Variants in CADM1 observed in about 807,000 individuals in gnomAD.
CADM1 encodes the protein TSLC-1.
A neutral mutation model predicts 53.1 loss-of-function variants in CADM1; 15 were observed. That is an observed-to-expected ratio of 0.28 (90% CI 0.19 to 0.44). CADM1 has a LOEUF of 0.44. CADM1 is among the 20% of genes least tolerant of loss of function. CADM1 has a pLI of 1.00. For missense variants in CADM1, 434 were observed against 611.3 expected (o/e 0.71, Z 3.06); for synonymous variants, 281 against 243.0 (o/e 1.16, Z -1.45).
intron 4 of CADM1, among the ~76,000 whole-genome samples, chr11:115,230,446 A>G (rs1217104657): frequency 2.6e-5 from 4 of 152,202 alleles, no homozygotes; most frequent in South Asian, 2.1e-4. Flanking sequence ...TTTCTGTCAA[A>G]CAATTAGAGG....
At chr11:115,242,287 A>G (rs893327492) in intron 1 of CADM1, among the ~76,000 whole-genome samples, 9 of 150,274 alleles carry the variant, frequency 6.0e-5, no homozygotes, top group Non-Finnish European at 1.3e-4. Flanking sequence ...GTGGAGGCTT[A>G]GTATGCCGAA....
At chr11:115,205,057 T>C (rs757931401) in intron 8 of CADM1, among the ~76,000 whole-genome samples, 2 of 152,214 alleles carry the variant, frequency 1.3e-5, no homozygotes, top group Admixed American at 6.5e-5. Flanking sequence ...TTTGGCCCTA[T>C]AGCTATTCAT....
intron 8 of CADM1, among the ~76,000 whole-genome samples, chr11:115,207,872 TA>T (rs1488801447): frequency 2.0e-5 from 3 of 152,150 alleles, no homozygotes; most frequent in Non-Finnish European, 4.4e-5. Flanking sequence ...TTTACACTAG[TA>T]TCTAAAGGGC....
At chr11:115,436,568 G>A (rs530244233) in intron 1 of CADM1, among the ~76,000 whole-genome samples, 20 of 152,286 alleles carry the variant, frequency 1.3e-4, no homozygotes, top group Non-Finnish European at 2.6e-4. Flanking sequence ...AACAAAATAT[G>A]TGGTTTACTC....
At position 115,231,426 on chromosome 11, in the gene CADM1, T is replaced by G. The variant is rs1235105339; in HGVS notation, c.489A>C (p.Glu163Asp). The G allele has an allele frequency of 6.2e-7, 1 of 1,613,950 alleles. No homozygotes were observed. The highest frequency in any genetic ancestry group is 8.5e-7 in the Non-Finnish European group (1 of 1,179,914). ...KDTAVEGEEI[E>D]VNCTAMASKP... ...TGCTGGCCATAGCAGTGCAGTTGACTTCAATCTCCTCACCTTCCACCGCAG... is the reference window on the plus strand; with the variant it reads ...TGCTGGCCATAGCAGTGCAGTTGACGTCAATCTCCTCACCTTCCACCGCAG... The change falls in exon 4 of 12, where the codon GAA (glutamate) becomes GAC (aspartate). Residue 163 changes from glutamate (E) to aspartate (D), a missense_variant. Glu to Asp is a conservative substitution (Grantham distance 45). Coordinates refer to ENST00000331581, the MANE Select transcript of CADM1 (RefSeq NM_001301043.2).
chr11:115,326,771 G>C (rs1286373608), intron 1 of CADM1, among the ~76,000 whole-genome samples: 1 of 152,014 alleles, frequency 6.6e-6, no homozygotes, highest in Non-Finnish European at 1.5e-5. Context: ...GGCAACCATT[G>C]AATTTGTCAT....
chr11:115,502,602 AAAC>A (rs1949752975), intron 1 of CADM1, among the ~76,000 whole-genome samples: 2 of 152,044 alleles, frequency 1.3e-5, no homozygotes, highest in South Asian at 2.1e-4. Flanking sequence ...AAAAACACAT[AAAC>A]AACATCCGGA....
rs1430666329 is a variant in CADM1 at position 115,174,916 on chromosome 11, A to G, written c.*1558T>C. On this transcript the variant is annotated 3_prime_UTR_variant, in exon 12 of 12. Transcript: ENST00000331581. The stretch of plus-strand genomic sequence containing the variant: ...AAAATCCCCACACTTCTTTCTTTAA[A>G]ACATGTAAATGGTAACGTGACTCCT... 1.0e-6 allele frequency: 1 copy of G among 985,586 alleles called. No individual in the cohort carries two copies. The highest frequency in any genetic ancestry group is 1.7e-5 in the African/African-American group (1 of 57,188). The allele number at this position is 985,586 out of a possible 1,614,324, so 61.1% of individuals were successfully genotyped here. A position where few individuals can be genotyped will look rare whatever the true frequency, so the allele number is the denominator to read the frequency against.
intron 1 of CADM1, among the ~76,000 whole-genome samples, chr11:115,300,045 C>T (rs945660334): frequency 2.0e-5 from 3 of 152,068 alleles, no homozygotes; most frequent in African/African-American, 7.2e-5. Flanking sequence ...AGATTAGCTA[C>T]TCTAAATGTA....
intron 1 of CADM1, 48 bp from the exon 2 acceptor site, chr11:115,240,468 A>C (rs56737005): frequency 1.2e-6 from 2 of 1,600,050 alleles, no homozygotes; most frequent in Non-Finnish European, 8.6e-7. Context: ...CATCAATTAA[A>C]ATGTGATCAG....
At chr11:115,337,588 T>C (rs1406567465) in intron 1 of CADM1, among the ~76,000 whole-genome samples, 1 of 152,284 alleles carries the variant, frequency 6.6e-6, no homozygotes, top group Non-Finnish European at 1.5e-5. Flanking sequence ...TCTTTACTAA[T>C]GTTTTTTCTT....
intron 1 of CADM1, among the ~76,000 whole-genome samples, chr11:115,467,974 C>T (rs1014848778): frequency 5.9e-5 from 9 of 152,210 alleles, no homozygotes; most frequent in African/African-American, 2.2e-4. Context: ...TGATTATAGC[C>T]ACCAATAAAA....
At chr11:115,384,214 C>A (rs1946644721) in intron 1 of CADM1, among the ~76,000 whole-genome samples, 1 of 152,158 alleles carries the variant, frequency 6.6e-6, no homozygotes, top group African/African-American at 2.4e-5. Context: ...TATGGATGTA[C>A]AAAGTACCTA....
chr11:115,474,160 G>A (rs991061637), intron 1 of CADM1, among the ~76,000 whole-genome samples: 1 of 151,360 alleles, frequency 6.6e-6, no homozygotes, highest in African/African-American at 2.4e-5. Flanking sequence ...GCGTGGTGGT[G>A]GGCGCCTGTA....
At chr11:115,206,474 C>T (rs777272627) in intron 8 of CADM1, among the ~76,000 whole-genome samples, 3 of 152,112 alleles carry the variant, frequency 2.0e-5, no homozygotes, top group African/African-American at 4.8e-5. Context: ...AGGGTCTCCA[C>T]GATGAAGCTT....
chr11:115,206,625 C>CTATGACTTCTCG (rs1289623526), intron 8 of CADM1, among the ~76,000 whole-genome samples: 1 of 152,038 alleles, frequency 6.6e-6, no homozygotes, highest in Non-Finnish European at 1.5e-5. Flanking sequence ...CAGAAATCAA[C>CTATGACTTCTCG]TATGACTTCT....
chr11:115,179,272 A>G (rs771582566), intron 10 of CADM1, among the ~76,000 whole-genome samples: 63 of 152,350 alleles, frequency 4.1e-4, no homozygotes, highest in Non-Finnish European at 7.9e-4. Flanking sequence ...TTGCCTAGAG[A>G]TAAAACAAGG....
intron 1 of CADM1, among the ~76,000 whole-genome samples, chr11:115,482,929 T>C (rs1949290097): frequency 6.6e-6 from 1 of 152,192 alleles, no homozygotes; most frequent in South Asian, 2.1e-4. Flanking sequence ...CATCTCTCAG[T>C]TTTGTTAGTT....
intron 10 of CADM1, among the ~76,000 whole-genome samples, chr11:115,179,722 CTT>C (rs879893964): frequency 1.3e-5 from 2 of 148,246 alleles, no homozygotes; most frequent in Admixed American, 6.7e-5. Context: ...AAACCATTGT[CTT>C]TTTTTTTTAT....
Sources: gnomAD v4.1 joint callset for allele counts (sites outside exome capture counted in the v4.1 genomes callset) on GRCh38, gnomAD v4.1.1 for gene constraint, MANE v1.5 for transcripts, NCBI Gene and HGNC (gene_info 2026-07-23, HGNC 2026-07-21) for gene names.